The following ANKRD30B variants were observed in gnomAD, a reference collection of about 807,000 sequenced individuals.
The protein encoded by ANKRD30B is ankyrin repeat domain 30B.
In ANKRD30B, 144 loss-of-function variants were observed where a neutral mutation model predicts 202.2. That is an observed-to-expected ratio of 0.71 (90% CI 0.62 to 0.82). The LOEUF (loss-of-function observed/expected upper bound fraction) is 0.82. ANKRD30B is among the 40% of genes least tolerant of loss of function. The pLI is 0.00. For missense variants in ANKRD30B, 1,487 were observed against 1,669.1 expected (o/e 0.89, Z 1.90); for synonymous variants, 508 against 561.3 (o/e 0.91, Z 1.34).
At chr18:14,811,821 T>C (rs1461963517) in intron 28 of ANKRD30B, among the ~76,000 whole-genome samples, 2 of 6,120 alleles carry the variant, frequency 3.3e-4, no homozygotes, top group Admixed American at 3.4e-3. Flanking sequence ...TAAATAAAAA[T>C]GAAAACATGA....
chr18:14,911,711 G>T, the ANKRD30B span, among the ~76,000 whole-genome samples: 3 of 152,132 alleles, frequency 2.0e-5, no homozygotes, highest in East Asian at 5.8e-4. Flanking sequence ...GGGTTGCTTT[G>T]GGCTGTATGG....
At chr18:14,794,726 T>A (rs1598630226) in intron 16 of ANKRD30B, among the ~76,000 whole-genome samples, 1 of 152,316 alleles carries the variant, frequency 6.6e-6, no homozygotes, top group Non-Finnish European at 1.5e-5. Flanking sequence ...TCATGCATAT[T>A]TAGCCTTAAA....
At chr18:14,910,241 C>T in the ANKRD30B span, 1 of 152,190 alleles carries the variant, frequency 6.6e-6, no homozygotes, top group South Asian at 2.1e-4. Context: ...CTGCCACCCT[C>T]CCACCTTTTG....
the ANKRD30B span, among the ~76,000 whole-genome samples, chr18:14,861,858 A>C: frequency 6.6e-6 from 1 of 152,346 alleles, no homozygotes; most frequent in Non-Finnish European, 1.5e-5. Context: ...CACATGGAAC[A>C]TTCTCTAAAA....
the ANKRD30B span, among the ~76,000 whole-genome samples, chr18:14,917,221 T>TA: frequency 6.6e-6 from 1 of 152,196 alleles, no homozygotes; most frequent in Non-Finnish European, 1.5e-5. Flanking sequence ...ATTTTTCCCT[T>TA]TTCTCTAACT....
At chr18:14,828,670 G>A (rs1194516273) in intron 33 of ANKRD30B, among the ~76,000 whole-genome samples, 1 of 152,144 alleles carries the variant, frequency 6.6e-6, no homozygotes, top group African/African-American at 2.4e-5. Flanking sequence ...GACCAGATGG[G>A]ATCAATTCAC....
intron 30 of ANKRD30B, among the ~76,000 whole-genome samples, chr18:14,818,207 A>G (rs1970216814): frequency 6.6e-6 from 1 of 152,188 alleles, no homozygotes. Context: ...AGCAACTCGC[A>G]TTGTATAACA....
At chr18:14,908,302 G>A in the ANKRD30B span, among the ~76,000 whole-genome samples, 9 of 152,192 alleles carry the variant, frequency 5.9e-5, no homozygotes, top group East Asian at 5.8e-4. Context: ...GAATGCCTCC[G>A]CTGTTTACTT....
chr18:14,752,532 T>C, intron 1 of ANKRD30B, 34 bp from the exon 2 acceptor site: 4 of 1,539,462 alleles, frequency 2.6e-6, no homozygotes, highest in Non-Finnish European at 2.7e-6. Context: ...GACAGTGGGC[T>C]ATACTTTGCC....
intron 1 of ANKRD30B, among the ~76,000 whole-genome samples, chr18:14,749,871 A>AT (rs1913148640): frequency 6.6e-6 from 1 of 151,912 alleles, no homozygotes; most frequent in Non-Finnish European, 1.5e-5. Flanking sequence ...AATATGAATT[A>AT]TTAGGAAAAG....
At chr18:14,837,415 C>G (rs969728023) in intron 35 of ANKRD30B, 126 bp downstream of exon 35, 8 of 919,606 alleles carry the variant, frequency 8.7e-6, no homozygotes, top group Non-Finnish European at 1.3e-5. Flanking sequence ...AATACAATGT[C>G]TACTTAAAAA....
the ANKRD30B span, chr18:14,888,768 G>T: frequency 5.3e-6 from 6 of 1,126,082 alleles, no homozygotes; most frequent in Non-Finnish European, 7.7e-6. Flanking sequence ...TTTCCTCTTA[G>T]AGGAATCCCC....
chr18:14,756,801 A>G (rs1334354250), intron 4 of ANKRD30B, among the ~76,000 whole-genome samples: 1 of 152,178 alleles, frequency 6.6e-6, no homozygotes, highest in Non-Finnish European at 1.5e-5. Flanking sequence ...CTGAGGCACG[A>G]GAATCGCTTG....
At chr18:14,837,991 G>C (rs1271571549) in intron 36 of ANKRD30B, among the ~76,000 whole-genome samples, 1 of 152,074 alleles carries the variant, frequency 6.6e-6, no homozygotes, top group African/African-American at 2.4e-5. Flanking sequence ...ATTCCAGCAT[G>C]GGCAACAGAG....
At chr18:14,915,911 C>T in the ANKRD30B span, among the ~76,000 whole-genome samples, 1 of 152,158 alleles carries the variant, frequency 6.6e-6, no homozygotes, top group Non-Finnish European at 1.5e-5. Flanking sequence ...CAACTATTTA[C>T]ATAGCATTTG....
rs997175528 is a variant in ANKRD30B, at chr18:14,840,681, A to G, written c.3079+3A>G. ...GACAACAAATGGCAAAATAGAAGGTAAGAACCATTTTTTATTTAAAACATC... is the reference window on the plus strand; with the variant it reads ...GACAACAAATGGCAAAATAGAAGGTGAGAACCATTTTTTATTTAAAACATC... On this transcript the variant is annotated splice_donor_region_variant and intron_variant, in intron 37 of 43. Transcript: ENST00000690538. The G allele has an allele frequency of 1.7e-5, 25 of 1,480,398 alleles. No homozygotes were observed. The highest frequency in any genetic ancestry group is 8.8e-5 in the Admixed American group (4 of 45,584). 91.7% of individuals were successfully genotyped at this position (1,480,398 alleles called of 1,614,324 possible). A position where few individuals can be genotyped will look rare whatever the true frequency, so the allele number is the denominator to read the frequency against.
At chr18:14,796,284 C>A (rs998436986) in intron 17 of ANKRD30B, 35 bp downstream of exon 17, 16 of 1,609,710 alleles carry the variant, frequency 9.9e-6, no homozygotes, top group Non-Finnish European at 1.4e-5. Context: ...TGAATACTAA[C>A]TACATATTTT....
chr18:14,760,332 A>AT (rs1293513473), intron 5 of ANKRD30B, among the ~76,000 whole-genome samples: 1 of 152,158 alleles, frequency 6.6e-6, no homozygotes, highest in African/African-American at 2.4e-5. Context: ...TTACTGAGTT[A>AT]TACTGCCCTC....
the ANKRD30B span, among the ~76,000 whole-genome samples, chr18:14,899,711 G>A: frequency 2.0e-5 from 3 of 152,056 alleles, no homozygotes; most frequent in Non-Finnish European, 4.4e-5. Flanking sequence ...GTGACCTGAA[G>A]AAAATTATCT....
Sources: gnomAD v4.1 joint callset for allele counts (sites outside exome capture counted in the v4.1 genomes callset) on GRCh38, gnomAD v4.1.1 for gene constraint, MANE v1.5 for transcripts, NCBI Gene and HGNC (gene_info 2026-07-23, HGNC 2026-07-21) for gene names.